GKAP1: variants seen among roughly 807,000 people sequenced by gnomAD.
The protein encoded by GKAP1 is G kinase-anchoring protein 1.
Under a neutral mutation model 56.7 loss-of-function variants are expected in GKAP1, and 31 were observed. The observed-to-expected ratio is 0.55, with a 90% CI of 0.41 to 0.74. The LOEUF is 0.74. Among genes scored for constraint, GKAP1 ranks in the 30% least tolerant of loss-of-function variants. GKAP1 has a pLI of 0.00. For missense variants in GKAP1, 364 were observed against 402.3 expected (o/e 0.90, Z 0.82); for synonymous variants, 151 against 138.6 (o/e 1.09, Z -0.63).
At chr9:83,756,512 T>C (rs1278165326) in intron 8 of GKAP1, among the ~76,000 whole-genome samples, 1 of 108,738 alleles carries the variant, frequency 9.2e-6, no homozygotes, top group African/African-American at 2.9e-5. Context: ...ACAAAAAGAA[T>C]TAATGTCCTG....
At position 83,782,876 on chromosome 9, in the gene GKAP1, C is replaced by T. The variant is rs183063530; in HGVS notation, c.562+1839G>A. 1.2e-3 allele frequency among the ~76,000 whole-genome samples: 183 copies of T among 152,158 alleles called. 1 individual carries two copies. Among genetic ancestry groups the T allele is most frequent in the African/African-American group, 4.2e-3 (175 of 41,504 alleles). ...TAGAGACAGGGTTTCACCATGTTGG[C>T]CAGGCTGGGCTCGAACTCCTGACCT... On this transcript the variant is annotated intron_variant, in intron 6 of 12. Transcript: ENST00000376371.
At chr9:83,803,872 C>T (rs1179522277) in intron 3 of GKAP1, among the ~76,000 whole-genome samples, 1 of 150,832 alleles carries the variant, frequency 6.6e-6, no homozygotes, top group African/African-American at 2.4e-5. Context: ...GGCCGCCCAT[C>T]GTCTGAGATG....
At chr9:83,796,348 C>A (rs2131308432) in intron 4 of GKAP1, among the ~76,000 whole-genome samples, 1 of 152,288 alleles carries the variant, frequency 6.6e-6, no homozygotes, top group Non-Finnish European at 1.5e-5. Context: ...ATCAGCAAAA[C>A]TTATCTCAAA....
chr9:83,808,549 G>A (rs1944468603), intron 2 of GKAP1, among the ~76,000 whole-genome samples: 1 of 152,032 alleles, frequency 6.6e-6, no homozygotes, highest in African/African-American at 2.4e-5. Flanking sequence ...GCAAACCGAG[G>A]TTGCACGACT....
At chr9:83,744,803 G>A (rs1024652371) in intron 10 of GKAP1, among the ~76,000 whole-genome samples, 1 of 152,112 alleles carries the variant, frequency 6.6e-6, no homozygotes, top group Non-Finnish European at 1.5e-5. Flanking sequence ...CCATATGGCT[G>A]GGAGGCCTCA....
chr9:83,784,507 A>G (rs1944031332), intron 6 of GKAP1, among the ~76,000 whole-genome samples: 1 of 152,186 alleles, frequency 6.6e-6, no homozygotes, highest in South Asian at 2.1e-4. Flanking sequence ...GAGCCAATAA[A>G]CTTCCATTCA....
At chr9:83,750,377 T>C (rs1943368066) in intron 9 of GKAP1, among the ~76,000 whole-genome samples, 1 of 152,214 alleles carries the variant, frequency 6.6e-6, no homozygotes. Context: ...AAAGTAGCCA[T>C]TTAAAACGCA....
rs1491463271 is a variant in GKAP1, at chr9:83,779,536, T to TATATATATACACAC, written c.585+845_585+846insGTGTGTATATATAT. Among the ~76,000 whole-genome samples the TATATATATACACAC allele has an allele frequency of 2.2e-3, 255 of 117,796 alleles. 4 individuals are homozygous for TATATATATACACAC. Among genetic ancestry groups the TATATATATACACAC allele is most frequent in the African/African-American group, 6.9e-3 (235 of 33,836 alleles). 77.3% of individuals were successfully genotyped at this position (117,796 alleles called of 152,430 possible). A position where few individuals can be genotyped will look rare whatever the true frequency, so the allele number is the denominator to read the frequency against. ...GTATATATATACACGTGTATATGTG[T>TATATATATACACAC]ATATATATACACGTGTATATGTGTA... On this transcript the variant is annotated intron_variant, in intron 7 of 12. Coordinates refer to ENST00000376371, the MANE Select transcript of GKAP1 (RefSeq NM_025211.4).
intron 2 of GKAP1, among the ~76,000 whole-genome samples, chr9:83,813,947 A>G (rs565770951): frequency 6.6e-6 from 1 of 152,168 alleles, no homozygotes; most frequent in Non-Finnish European, 1.5e-5. Flanking sequence ...CAAAATGTAC[A>G]ACAGTTAGCA....
intron 2 of GKAP1, among the ~76,000 whole-genome samples, chr9:83,812,331 GTA>G (rs982435264): frequency 6.9e-6 from 1 of 144,988 alleles, no homozygotes; most frequent in Non-Finnish European, 1.5e-5. Flanking sequence ...ATATACACAC[GTA>G]TATATATACA....
chr9:83,750,107 T>C (rs1396451390), intron 9 of GKAP1, among the ~76,000 whole-genome samples: 1 of 152,140 alleles, frequency 6.6e-6, no homozygotes, highest in Non-Finnish European at 1.5e-5. Context: ...TTCATGGAGG[T>C]ACCTCTTATT....
chr9:83,771,881 T>A lies in GKAP1; in HGVS notation c.586-2911A>T, dbSNP rs559742142. ...TCACTAGAGATTATAATTATAATTA[T>A]AATTCTAGCCAATGTCCCTGCTTGT... On this transcript the variant is annotated intron_variant, in intron 7 of 12. Coordinates refer to ENST00000376371, the MANE Select transcript of GKAP1 (RefSeq NM_025211.4). Among the ~76,000 whole-genome samples the A allele has an allele frequency of 6.6e-5, 10 of 152,278 alleles. No individual in the cohort carries two copies. In the South Asian group the frequency reaches 2.1e-3, roughly 32 times the overall value.
rs1281873716 is a variant in GKAP1 at position 83,804,335 on chromosome 9, C to T, written c.216+1967G>A. ...ACCCCGCCCGGCCAGCCGCCCCATCCGGGAGGGAGGTGGGGGGGTCAGCCC... is the reference window on the plus strand; with the variant it reads ...ACCCCGCCCGGCCAGCCGCCCCATCTGGGAGGGAGGTGGGGGGGTCAGCCC... On this transcript the variant is annotated intron_variant, in intron 3 of 12. Coordinates refer to ENST00000376371, the MANE Select transcript of GKAP1 (RefSeq NM_025211.4). Among the ~76,000 whole-genome samples the T allele has an allele frequency of 3.7e-4, 52 of 140,618 alleles. 2 individuals are homozygous for T. In the South Asian group the frequency reaches 5.7e-3, roughly 15 times the overall value. 92.3% of individuals were successfully genotyped at this position (140,618 alleles called of 152,430 possible).
rs532988515 is a variant in GKAP1, at chr9:83,748,179, T to C, written c.904+130A>G. The C allele has an allele frequency of 2.4e-5, 13 of 547,006 alleles. No individual in the cohort carries two copies. In the South Asian group the frequency reaches 3.0e-4, roughly 13 times the overall value. The allele number at this position is 547,006 out of a possible 1,614,324, so 33.9% of individuals were successfully genotyped here. ...TAGGTATTTTGAAATATACAAATTA[T>C]TGTTAACTATAGTCACCCTATTGTG... is the stretch of plus-strand genomic sequence containing the variant. On this transcript the variant is annotated intron_variant, in intron 10 of 12. Coordinates refer to ENST00000376371, the MANE Select transcript of GKAP1 (RefSeq NM_025211.4).
At chr9:83,783,141 G>T (rs1381724965) in intron 6 of GKAP1, among the ~76,000 whole-genome samples, 3 of 152,010 alleles carry the variant, frequency 2.0e-5, no homozygotes. Context: ...GCAGTATTTG[G>T]GTTTTTTTCT....
chr9:83,775,752 G>C (rs779569271), intron 7 of GKAP1, among the ~76,000 whole-genome samples: 35 of 151,276 alleles, frequency 2.3e-4, no homozygotes, highest in Admixed American at 5.3e-4. Flanking sequence ...CTGGGCGCCT[G>C]TAATCCCAGC....
At chr9:83,800,310 A>G (rs1433282030) in intron 3 of GKAP1, among the ~76,000 whole-genome samples, 2 of 148,682 alleles carry the variant, frequency 1.3e-5, no homozygotes, top group Admixed American at 6.7e-5. Context: ...AAAAAAGTTT[A>G]GCCTAAAGCT....
intron 12 of GKAP1, among the ~76,000 whole-genome samples, chr9:83,741,148 A>G (rs934635407): frequency 6.6e-6 from 1 of 152,132 alleles, no homozygotes; most frequent in Non-Finnish European, 1.5e-5. Flanking sequence ...TTAAAAATCC[A>G]AAACAACAAA....
chr9:83,768,809 T>C lies in GKAP1; in HGVS notation c.738+9A>G. The C allele has an allele frequency of 1.9e-6, 3 of 1,599,092 alleles. No homozygotes were observed. Among genetic ancestry groups the C allele is most frequent in the Non-Finnish European group, 2.6e-6 (3 of 1,176,170 alleles). ...CTGTGATTTTAAGAGAATTTTCTAC[T>C]TTACATGCCTGGTTGTGTTCATGAG... On this transcript the variant is annotated intron_variant, in intron 8 of 12. Coordinates refer to ENST00000376371, the MANE Select transcript of GKAP1 (RefSeq NM_025211.4).
Sources: gnomAD v4.1 joint callset for allele counts (sites outside exome capture counted in the v4.1 genomes callset) on GRCh38, gnomAD v4.1.1 for gene constraint, MANE v1.5 for transcripts, NCBI Gene and HGNC (gene_info 2026-07-23, HGNC 2026-07-21) for gene names.